Variants in TMEM108 observed in about 807,000 individuals in gnomAD.
The protein encoded by TMEM108 is transmembrane protein 108, also known as cancer/testis antigen 124.
A neutral mutation model predicts 35.1 loss-of-function variants in TMEM108; 12 were observed. The ratio of observed to expected loss-of-function variants is 0.34; its 90% CI spans 0.22 to 0.55. The LOEUF (loss-of-function observed/expected upper bound fraction) is 0.55, where lower values mean the gene tolerates loss of function less well. TMEM108 is among the 20% of genes least tolerant of loss of function. TMEM108 has a pLI of 0.89. For synonymous variants in TMEM108, 287 were observed against 308.6 expected, an observed-to-expected ratio of 0.93 and a Z score of 0.73; for missense variants, 680 against 753.3, an observed-to-expected ratio of 0.90 and a Z score of 1.14.
intron 4 of TMEM108, among the ~76,000 whole-genome samples, chr3:133,384,695 C>T (rs1382805045): frequency 6.6e-6 from 1 of 152,192 alleles, no homozygotes; most frequent in East Asian, 1.9e-4. Context: ...AGCCTCCACG[C>T]CTGGCGCTGA....
chr3:133,344,991 G>T (rs2071772373), intron 3 of TMEM108, among the ~76,000 whole-genome samples: 1 of 151,822 alleles, frequency 6.6e-6, no homozygotes, highest in Non-Finnish European at 1.5e-5. Flanking sequence ...CTTTTAAAAA[G>T]AAAAGTTTAA....
intron 2 of TMEM108, among the ~76,000 whole-genome samples, chr3:133,063,174 G>T (rs958810051): frequency 5.9e-5 from 9 of 152,144 alleles, no homozygotes; most frequent in Non-Finnish European, 7.3e-5. Flanking sequence ...TGACCTTGGA[G>T]TTAGGGCAGA....
chr3:133,101,144 T>C (rs1376847706), intron 2 of TMEM108, among the ~76,000 whole-genome samples: 1 of 152,218 alleles, frequency 6.6e-6, no homozygotes, highest in Non-Finnish European at 1.5e-5. Flanking sequence ...TGTAAAAATG[T>C]ATGTGAAAAT....
At chr3:133,283,218 T>C (rs1443270042) in intron 3 of TMEM108, among the ~76,000 whole-genome samples, 2 of 152,222 alleles carry the variant, frequency 1.3e-5, no homozygotes, top group African/African-American at 4.8e-5. Context: ...TACCTCTGGA[T>C]TTAAGCAAAT....
intron 3 of TMEM108, among the ~76,000 whole-genome samples, chr3:133,363,592 GA>G: frequency 6.6e-6 from 1 of 152,062 alleles, no homozygotes; most frequent in Non-Finnish European, 1.5e-5. Context: ...TTTTTTTAGA[GA>G]CAGGGTTTTG....
At chr3:133,328,532 G>A (rs2071357776) in intron 3 of TMEM108, among the ~76,000 whole-genome samples, 2 of 152,184 alleles carry the variant, frequency 1.3e-5, no homozygotes, top group East Asian at 3.8e-4. Context: ...CCCCAGCCTG[G>A]TTCAGCAGGG....
chr3:133,196,703 C>G (rs1163627316), intron 2 of TMEM108, among the ~76,000 whole-genome samples: 2 of 152,158 alleles, frequency 1.3e-5, no homozygotes, highest in African/African-American at 4.8e-5. Context: ...AGTGAATAGA[C>G]CAACATTCAG....
chr3:133,133,371 G>T (rs1375423843), intron 2 of TMEM108, among the ~76,000 whole-genome samples: 1 of 152,166 alleles, frequency 6.6e-6, no homozygotes, highest in African/African-American at 2.4e-5. Flanking sequence ...AGCATTTTTA[G>T]CAATAAATTA....
intron 2 of TMEM108, among the ~76,000 whole-genome samples, chr3:133,131,063 C>T (rs879905198): frequency 6.6e-6 from 1 of 152,152 alleles, no homozygotes; most frequent in Non-Finnish European, 1.5e-5. Context: ...GAATTGTCAT[C>T]AGGTTTCTGC....
intron 2 of TMEM108, among the ~76,000 whole-genome samples, chr3:133,143,286 G>T (rs970717670): frequency 6.6e-6 from 1 of 152,034 alleles, no homozygotes; most frequent in Admixed American, 6.6e-5. Flanking sequence ...AGGAATATTG[G>T]TGTACCTAAT....
chr3:133,291,823 C>T (rs915190431), intron 3 of TMEM108, among the ~76,000 whole-genome samples: 1 of 152,130 alleles, frequency 6.6e-6, no homozygotes, highest in Non-Finnish European at 1.5e-5. Context: ...TCTATCTCGG[C>T]CTTTCTCAGC....
At chr3:133,228,784 A>G (rs909142227) in intron 2 of TMEM108, among the ~76,000 whole-genome samples, 4 of 152,164 alleles carry the variant, frequency 2.6e-5, no homozygotes, top group African/African-American at 4.8e-5. Context: ...TTTCTAAATA[A>G]TCCATACCAG....
intron 2 of TMEM108, among the ~76,000 whole-genome samples, chr3:133,057,018 GTTTA>G (rs934964486): frequency 2.0e-5 from 3 of 152,270 alleles, no homozygotes; most frequent in African/African-American, 7.2e-5. Context: ...AGCCCTCGGA[GTTTA>G]TTTAAGTAGA....
At position 133,278,018 on chromosome 3, in the gene TMEM108, A is replaced by G. The variant is rs1365936845; in HGVS notation, c.40+48667A>G. 3.9e-5 allele frequency among the ~76,000 whole-genome samples: 6 copies of G among 152,330 alleles called. No individual in the cohort carries two copies. The East Asian group carries it at 1.2e-3, about 29-fold the overall frequency. On this transcript the variant is annotated intron_variant, in intron 3 of 5. Transcript: ENST00000321871. ...TGATTCATTTCCTAGTGGCATAATC[A>G]CTTTGAACAAAACTACGGCAAGCCT...
chr3:133,312,293 G>A (rs967220348), intron 3 of TMEM108, among the ~76,000 whole-genome samples: 3 of 152,240 alleles, frequency 2.0e-5, no homozygotes, highest in Admixed American at 6.5e-5. Flanking sequence ...GTTTAAGTCT[G>A]CAGAAGTTTC....
chr3:133,268,654 T>C (rs1946730710), intron 3 of TMEM108, among the ~76,000 whole-genome samples: 1 of 152,218 alleles, frequency 6.6e-6, no homozygotes, highest in African/African-American at 2.4e-5. Flanking sequence ...TCTCTGTTAT[T>C]ATAAATGGTA....
intron 2 of TMEM108, among the ~76,000 whole-genome samples, chr3:133,225,000 T>C (rs1946047831): frequency 6.6e-6 from 1 of 150,844 alleles, no homozygotes; most frequent in African/African-American, 2.4e-5. Context: ...ACCCTTTAAC[T>C]CCTTTTTCCT....
intron 3 of TMEM108, among the ~76,000 whole-genome samples, chr3:133,268,624 A>T (rs1946730373): frequency 6.6e-6 from 1 of 152,224 alleles, no homozygotes; most frequent in South Asian, 2.1e-4. Flanking sequence ...ATATGGTATG[A>T]TCTAATAACA....
At chr3:133,242,480 GA>G (rs1559879554) in intron 3 of TMEM108, among the ~76,000 whole-genome samples, 1 of 152,202 alleles carries the variant, frequency 6.6e-6, no homozygotes, top group Admixed American at 6.5e-5. Flanking sequence ...ATAGAGAGCT[GA>G]GTGTTTTAAA....
Sources: allele counts gnomAD v4.1 joint callset (sites outside exome capture counted in the v4.1 genomes callset), GRCh38; gene constraint gnomAD v4.1.1; transcripts MANE v1.5; gene names NCBI Gene and HGNC (gene_info 2026-07-23, HGNC 2026-07-21).